The following SKIC3 variants were observed in gnomAD, a reference collection of about 807,000 sequenced individuals.
SKIC3 encodes the protein SKI3 subunit of superkiller complex, also known as superkiller complex protein 3.
At chr5:95,511,885 T>C in the SKIC3 span, among the ~76,000 whole-genome samples, 1 of 152,216 alleles carries the variant, frequency 6.6e-6, no homozygotes, top group South Asian at 2.1e-4. Flanking sequence ...TAAAACCCAA[T>C]GGTAGTTTTA....
the SKIC3 span, among the ~76,000 whole-genome samples, chr5:95,542,559 A>G: frequency 0.18 from 26,742 of 152,138 alleles, 2,669 homozygotes; most frequent in East Asian, 0.34. Context: ...CAGATATCCT[A>G]AACCACTCAG....
chr5:95,519,667 A>G, the SKIC3 span, among the ~76,000 whole-genome samples: 1 of 152,082 alleles, frequency 6.6e-6, no homozygotes, highest in Non-Finnish European at 1.5e-5. Flanking sequence ...CCCTTACACA[A>G]TAATTGTGAT....
the SKIC3 span, chr5:95,497,270 G>T: frequency 1.3e-6 from 1 of 776,306 alleles, no homozygotes; most frequent in Non-Finnish European, 2.2e-6. Flanking sequence ...TTCGTTGAAT[G>T]ACTAATGGAA....
chr5:95,482,575 C>T, the SKIC3 span: 2 of 1,614,022 alleles, frequency 1.2e-6, no homozygotes, highest in Non-Finnish European at 1.7e-6. Context: ...GTGGTTTACA[C>T]TGAACTTGTC....
chr5:95,518,923 A>G, the SKIC3 span, among the ~76,000 whole-genome samples: 1 of 152,104 alleles, frequency 6.6e-6, no homozygotes, highest in South Asian at 2.1e-4. Flanking sequence ...TTGCATTCCC[A>G]TAAACCATAT....
chr5:95,516,526 A>G, the SKIC3 span: 16 of 1,613,280 alleles, frequency 9.9e-6, no homozygotes, highest in Non-Finnish European at 1.4e-5. Flanking sequence ...AATACTCACA[A>G]TTTGTTCTGA....
At chr5:95,492,827 T>C in the SKIC3 span, among the ~76,000 whole-genome samples, 4 of 152,118 alleles carry the variant, frequency 2.6e-5, no homozygotes, top group Middle Eastern at 3.4e-3. Flanking sequence ...TCTTACAGTA[T>C]TGTATAGTTT....
At chr5:95,489,804 C>G in the SKIC3 span, among the ~76,000 whole-genome samples, 6 of 152,152 alleles carry the variant, frequency 3.9e-5, no homozygotes, top group African/African-American at 1.4e-4. Flanking sequence ...GTAGATTGTT[C>G]TTTCTTTTAA....
At chr5:95,530,016 G>A in the SKIC3 span, 15 of 1,571,816 alleles carry the variant, frequency 9.5e-6, no homozygotes, top group East Asian at 3.1e-4. Flanking sequence ...CTTAAAGAAA[G>A]GCTCAAAGAT....
the SKIC3 span, chr5:95,515,047 A>G: frequency 1.0e-6 from 1 of 965,424 alleles, no homozygotes; most frequent in South Asian, 1.4e-5. Flanking sequence ...ATAAAATTTC[A>G]CTGTTTAAGC....
the SKIC3 span, chr5:95,506,927 C>G: frequency 1.2e-6 from 2 of 1,612,860 alleles, no homozygotes; most frequent in Admixed American, 3.3e-5. Flanking sequence ...AGAAAAAATA[C>G]GCTTACCATA....
At chr5:95,533,195 C>T in the SKIC3 span, among the ~76,000 whole-genome samples, 12 of 152,226 alleles carry the variant, frequency 7.9e-5, no homozygotes, top group African/African-American at 2.9e-4. Flanking sequence ...AAGCCATTCA[C>T]TACTTGTTAC....
chr5:95,480,498 A>G, the SKIC3 span, among the ~76,000 whole-genome samples: 1 of 152,190 alleles, frequency 6.6e-6, no homozygotes, highest in Non-Finnish European at 1.5e-5. Context: ...TAAAATCACT[A>G]CAATATATTA....
chr5:95,497,493 A>G, the SKIC3 span: 1 of 1,612,884 alleles, frequency 6.2e-7, no homozygotes, highest in African/African-American at 1.3e-5. Flanking sequence ...GGGTTGCTAA[A>G]GGAATCAAAA....
the SKIC3 span, chr5:95,537,103 A>G: frequency 6.2e-7 from 1 of 1,613,680 alleles, no homozygotes; most frequent in Admixed American, 1.7e-5. Flanking sequence ...TAGGAATCTT[A>G]TCTGATAATC....
the SKIC3 span, among the ~76,000 whole-genome samples, chr5:95,512,142 C>A: frequency 1.3e-5 from 2 of 152,030 alleles, no homozygotes; most frequent in Admixed American, 6.5e-5. Flanking sequence ...AAACACTTGG[C>A]CTAAGACTGC....
At chr5:95,541,783 A>C in the SKIC3 span, 1 of 1,483,954 alleles carries the variant, frequency 6.7e-7, no homozygotes, top group African/African-American at 1.4e-5. Flanking sequence ...CAAGCTTTGA[A>C]AGAAACTGGA....
the SKIC3 span, among the ~76,000 whole-genome samples, chr5:95,524,986 C>T: frequency 1.3e-5 from 2 of 152,090 alleles, no homozygotes; most frequent in Non-Finnish European, 2.9e-5. Context: ...CAGGTTCAAG[C>T]AATTCTCGTG....
At chr5:95,503,238 G>A in the SKIC3 span, among the ~76,000 whole-genome samples, 3 of 152,076 alleles carry the variant, frequency 2.0e-5, no homozygotes, top group South Asian at 2.1e-4. Flanking sequence ...TAACTTCTAC[G>A]TTCGGAATCT....
Sources: gnomAD v4.1 joint callset for allele counts (sites outside exome capture counted in the v4.1 genomes callset) on GRCh38, gnomAD v4.1.1 for gene constraint, MANE v1.5 for transcripts, NCBI Gene and HGNC (gene_info 2026-07-23, HGNC 2026-07-21) for gene names.